The following WDR7 variants were observed in gnomAD, a reference collection of about 807,000 sequenced individuals.
WDR7 encodes the protein WD repeat domain 7.
A neutral mutation model predicts 169.4 loss-of-function variants in WDR7; 46 were observed. The observed-to-expected ratio is 0.27, with a 90% CI of 0.21 to 0.35. WDR7 has a LOEUF of 0.35. Ranked by LOEUF, WDR7 falls within the 10% of genes least tolerant of loss-of-function variation. The probability of loss-of-function intolerance (pLI) is 1.00; values close to 1 mark genes in which losing one functional copy is unlikely to be tolerated. For missense variants in WDR7, 1,534 were observed against 1,859.3 expected (o/e 0.83, Z 3.22); for synonymous variants, 612 against 666.8 (o/e 0.92, Z 1.27).
chr18:57,003,347 C>T (rs143072868), intron 26 of WDR7, among the ~76,000 whole-genome samples: 2 of 152,128 alleles, frequency 1.3e-5, no homozygotes, highest in African/African-American at 4.8e-5. Context: ...CAAAAAAGGA[C>T]ATTTTGCTTT....
chr18:56,910,997 C>A (rs143195904), intron 21 of WDR7, among the ~76,000 whole-genome samples: 2 of 152,274 alleles, frequency 1.3e-5, no homozygotes, highest in East Asian at 3.9e-4. Context: ...ACATTGACAT[C>A]TCTTCCAGAA....
chr18:56,751,592 A>G (rs568126208), intron 14 of WDR7, among the ~76,000 whole-genome samples: 1 of 152,142 alleles, frequency 6.6e-6, no homozygotes, highest in African/African-American at 2.4e-5. Context: ...ATATATGATG[A>G]TATTTTATCT....
chr18:56,738,922 C>T (rs952758173), intron 14 of WDR7, among the ~76,000 whole-genome samples: 1 of 145,610 alleles, frequency 6.9e-6, no homozygotes, highest in African/African-American at 2.5e-5. Flanking sequence ...TAACTCAGTG[C>T]AAACATTGGT....
intron 22 of WDR7, among the ~76,000 whole-genome samples, chr18:56,934,573 AAGAG>A (rs1288643326): frequency 6.6e-6 from 1 of 152,146 alleles, no homozygotes; most frequent in Non-Finnish European, 1.5e-5. Context: ...TGGGAAAAAG[AAGAG>A]AGACAGTTAT....
chr18:56,699,131 G>T (rs540638101), intron 12 of WDR7, among the ~76,000 whole-genome samples: 18 of 152,344 alleles, frequency 1.2e-4, no homozygotes, highest in Admixed American at 7.8e-4. Context: ...GATTTTAGCT[G>T]TGGGGTAATT....
intron 19 of WDR7, among the ~76,000 whole-genome samples, chr18:56,803,107 A>G (rs1435351482): frequency 3.3e-5 from 5 of 152,154 alleles, no homozygotes; most frequent in Non-Finnish European, 7.4e-5. Context: ...TCCATATATA[A>G]CACTTCTTAT....
intron 17 of WDR7, 84 bp from the exon 18 acceptor site, chr18:56,779,347 T>C (rs2044285191): frequency 9.6e-7 from 1 of 1,043,084 alleles, no homozygotes; most frequent in African/African-American, 1.6e-5. Context: ...CTTTTTTTGT[T>C]TTTGGTATAC....
chr18:56,787,538 C>T (rs2044420969), intron 19 of WDR7, among the ~76,000 whole-genome samples: 1 of 152,140 alleles, frequency 6.6e-6, no homozygotes, highest in Non-Finnish European at 1.5e-5. Context: ...AAAGCACAAT[C>T]CTTTGTTCTT....
rs184218992 is a variant in WDR7 at position 57,018,657 on chromosome 18, T to C, written c.4165-2088T>C. On this transcript the variant is annotated intron_variant, in intron 26 of 27. Transcript: ENST00000254442. The stretch of plus-strand genomic sequence containing the variant: ...GGCTGAAAAAATTTGTTTTTTGCAC[T>C]TTTGCAGGCCAAACCAAACACATCT... Among the ~76,000 whole-genome samples, 269 of 152,342 alleles carry C rather than the reference T, an allele frequency of 1.8e-3. 1 individual carries two copies. The highest frequency in any genetic ancestry group is 6.2e-3 in the African/African-American group (259 of 41,574).
chr18:56,892,517 A>G (rs572829426), intron 21 of WDR7, among the ~76,000 whole-genome samples: 1 of 152,074 alleles, frequency 6.6e-6, no homozygotes, highest in Non-Finnish European at 1.5e-5. Context: ...ACGTGGCCCC[A>G]TTCCCATTTT....
intron 26 of WDR7, among the ~76,000 whole-genome samples, chr18:56,980,244 T>G (rs1195850566): frequency 6.6e-6 from 1 of 152,230 alleles, no homozygotes; most frequent in Non-Finnish European, 1.5e-5. Flanking sequence ...CTCAGCCATA[T>G]TTTTAATACA....
At chr18:56,794,917 T>TGA (rs2044557735) in intron 19 of WDR7, among the ~76,000 whole-genome samples, 2 of 152,282 alleles carry the variant, frequency 1.3e-5, no homozygotes, top group Admixed American at 6.5e-5. Context: ...TGTAGTGTGA[T>TGA]GAGTTTTGCC....
At chr18:56,853,842 A>G (rs1177033786) in intron 20 of WDR7, among the ~76,000 whole-genome samples, 1 of 152,218 alleles carries the variant, frequency 6.6e-6, no homozygotes, top group Non-Finnish European at 1.5e-5. Flanking sequence ...TTAACATTGT[A>G]TTACAAAGAT....
At chr18:56,678,571 A>T (rs1438594453) in intron 2 of WDR7, among the ~76,000 whole-genome samples, 1 of 151,942 alleles carries the variant, frequency 6.6e-6, no homozygotes, top group East Asian at 1.9e-4. Flanking sequence ...ATCTCGGCTC[A>T]CTGCAACCTC....
chr18:56,937,136 A>G (rs935259925), intron 23 of WDR7, among the ~76,000 whole-genome samples: 7 of 152,184 alleles, frequency 4.6e-5, no homozygotes, highest in Admixed American at 1.3e-4. Flanking sequence ...TTTTTTAAAA[A>G]TGAACTGTTA....
At chr18:56,861,905 T>C (rs2045808931) in intron 20 of WDR7, among the ~76,000 whole-genome samples, 1 of 152,208 alleles carries the variant, frequency 6.6e-6, no homozygotes, top group Non-Finnish European at 1.5e-5. Flanking sequence ...ATTAGACCGT[T>C]GGACTTTTTC....
chr18:56,969,125 A>G (rs189041065), intron 26 of WDR7, among the ~76,000 whole-genome samples: 186 of 152,278 alleles, frequency 1.2e-3, no homozygotes, highest in African/African-American at 4.2e-3. Context: ...CTCAAATTCA[A>G]TGTGTCAGAC....
intron 20 of WDR7, among the ~76,000 whole-genome samples, chr18:56,834,741 G>A (rs1015221377): frequency 6.6e-6 from 1 of 152,010 alleles, no homozygotes; most frequent in Non-Finnish European, 1.5e-5. Context: ...CCACATTTTT[G>A]TCTGCTAAAA....
chr18:56,732,403 A>G (rs569687668), intron 14 of WDR7, among the ~76,000 whole-genome samples: 1 of 152,322 alleles, frequency 6.6e-6, no homozygotes, highest in South Asian at 2.1e-4. Flanking sequence ...ATGAATAGGC[A>G]CAAATACTTT....
Sources: gnomAD v4.1 joint callset for allele counts (sites outside exome capture counted in the v4.1 genomes callset) on GRCh38, gnomAD v4.1.1 for gene constraint, MANE v1.5 for transcripts, NCBI Gene and HGNC (gene_info 2026-07-23, HGNC 2026-07-21) for gene names.